The following CYB5A variants were observed in gnomAD, a reference collection of about 807,000 sequenced individuals.
CYB5A encodes cytochrome b5 type A.
CYB5A carries 10 observed loss-of-function variants against 16.2 expected under a neutral mutation model. The ratio of observed to expected loss-of-function variants is 0.62; its 90% CI spans 0.38 to 1.04. The LOEUF (loss-of-function observed/expected upper bound fraction) is 1.04. Ranked by LOEUF, CYB5A falls within the 50% of genes least tolerant of loss-of-function variation. The probability of loss-of-function intolerance (pLI) is 0.01; values close to 1 mark genes in which losing one functional copy is unlikely to be tolerated. For synonymous variants in CYB5A, 62 were observed against 57.0 expected, an observed-to-expected ratio of 1.09 and a Z score of -0.40; for missense variants, 161 against 165.9, an observed-to-expected ratio of 0.97 and a Z score of 0.16.
intron 2 of CYB5A, among the ~76,000 whole-genome samples, chr18:74,262,004 ATCCAC>A (rs1256113156): frequency 1.3e-5 from 2 of 152,180 alleles, no homozygotes; most frequent in African/African-American, 4.8e-5. Flanking sequence ...CGGCCCCAGG[ATCCAC>A]TCCAGAAGCT....
At chr18:74,261,675 C>T (rs1373673638) in intron 2 of CYB5A, 1 of 152,630 alleles carries the variant, frequency 6.6e-6, no homozygotes, top group African/African-American at 2.4e-5. Flanking sequence ...ACAAACCTCC[C>T]AACTCAATGA....
intron 1 of CYB5A, among the ~76,000 whole-genome samples, chr18:74,270,124 G>A (rs145580671): frequency 1.4e-4 from 22 of 151,872 alleles, no homozygotes; most frequent in Non-Finnish European, 2.9e-4. Context: ...GGCCACACTC[G>A]GTCCCCATCT....
chr18:74,260,200 C>T lies in CYB5A; in HGVS notation c.288+715G>A, dbSNP rs541816180. ...ATTTACACCAAAACGAAAAATTATA[C>T]TTTCTTTTTTGTCATTTGATTTAAG... On this transcript the variant is annotated intron_variant, in intron 3 of 4. Transcript: ENST00000340533. The T allele has an allele frequency of 5.2e-5, 8 of 152,404 alleles. No homozygotes were observed. The East Asian group carries it at 1.3e-3, about 26-fold the overall frequency. The allele number at this position is 152,404 out of a possible 1,614,324, so 9.4% of individuals were successfully genotyped here. A position where few individuals can be genotyped will look rare whatever the true frequency, so the allele number is the denominator to read the frequency against.
Position 74,264,430 on chromosome 18 carries a change from C to T in CYB5A, c.130-953G>A, listed in dbSNP as rs111597083. On this transcript the variant is annotated intron_variant, in intron 1 of 4. Transcript: ENST00000340533. ...CTGCACCTGAGACTGACTTCTCTGA[C>T]ATCTTAGTCTAAGTGTGGCCTCAAG... is the stretch of plus-strand genomic sequence containing the variant. 6.4e-3 allele frequency among the ~76,000 whole-genome samples: 971 copies of T among 152,250 alleles called. 11 individuals are homozygous for T. The highest frequency in any genetic ancestry group is 0.021 in the African/African-American group (875 of 41,538).
chr18:74,281,743 C>CTGTGTGTGTGTGTGTGGGTGTGTGTGTG (rs1983111487), intron 1 of CYB5A, among the ~76,000 whole-genome samples: 1 of 138,746 alleles, frequency 7.2e-6, no homozygotes, highest in African/African-American at 2.9e-5. Flanking sequence ...TCAAGGGAGG[C>CTGTGTGTGTGTGTGTGGGTGTGTGTGTG]TGTGTGTGTG....
intron 1 of CYB5A, among the ~76,000 whole-genome samples, chr18:74,276,008 C>T (rs1042326072): frequency 5.3e-5 from 8 of 152,134 alleles, no homozygotes; most frequent in African/African-American, 9.7e-5. Flanking sequence ...TTCTCCCCCT[C>T]GACCCAACAC....
intron 2 of CYB5A, chr18:74,261,239 G>A (rs935798773): frequency 2.4e-5 from 9 of 380,380 alleles, no homozygotes; most frequent in East Asian, 5.9e-5. Flanking sequence ...ATTGCGACAC[G>A]TAATTCAGGG....
At chr18:74,271,379 G>A (rs1366756030) in intron 1 of CYB5A, among the ~76,000 whole-genome samples, 1 of 152,170 alleles carries the variant, frequency 6.6e-6, no homozygotes, top group Non-Finnish European at 1.5e-5. Flanking sequence ...GTGGATTTGA[G>A]TGACTTTCCC....
chr18:74,260,750 T>C, intron 3 of CYB5A, 165 bp downstream of exon 3: 1 of 698,238 alleles, frequency 1.4e-6, no homozygotes, highest in Non-Finnish European at 2.6e-6. Context: ...TACTGACAGG[T>C]TTCCGTAAAT....
chr18:74,272,858 G>A (rs1982722859), intron 1 of CYB5A, among the ~76,000 whole-genome samples: 2 of 152,090 alleles, frequency 1.3e-5, no homozygotes, highest in Non-Finnish European at 2.9e-5. Flanking sequence ...GGAGGCAGAG[G>A]TTGCAGTGAG....
chr18:74,291,608 C>T (rs1204305361), intron 1 of CYB5A, 139 bp downstream of exon 1: 9 of 1,315,590 alleles, frequency 6.8e-6, no homozygotes, highest in Admixed American at 2.0e-5. Context: ...CCCAGGCGTA[C>T]ACGCGCAGGT....
At chr18:74,268,179 T>C (rs966367608) in intron 1 of CYB5A, among the ~76,000 whole-genome samples, 3 of 152,152 alleles carry the variant, frequency 2.0e-5, no homozygotes, top group East Asian at 1.9e-4. Context: ...TGAATAACTA[T>C]GACCATGCCA....
At chr18:74,266,366 C>A (rs1386065092) in intron 1 of CYB5A, among the ~76,000 whole-genome samples, 1 of 152,210 alleles carries the variant, frequency 6.6e-6, no homozygotes, top group African/African-American at 2.4e-5. Context: ...AACTCAGGAG[C>A]TGCCGTAACT....
intron 2 of CYB5A, chr18:74,261,468 G>C (rs1982198212): frequency 1.1e-5 from 2 of 179,536 alleles, no homozygotes; most frequent in Admixed American, 5.4e-5. Context: ...AAGTGCCACA[G>C]TCAGGGCCTG....
At chr18:74,256,661 C>A in intron 3 of CYB5A, 1 of 631,272 alleles carries the variant, frequency 1.6e-6, no homozygotes, top group Non-Finnish European at 2.8e-6. Flanking sequence ...ATAAATAAGA[C>A]AGCTTCAGAT....
At position 74,258,152 on chromosome 18, in the gene CYB5A, G is replaced by A. The variant is rs550416788; in HGVS notation, c.289-2377C>T. On this transcript the variant is annotated intron_variant, in intron 3 of 4. Transcript: ENST00000340533. ...GGCAAGCCCAGAACCTAGAGGAGAAGCTTAAGGGACTGCAACTGACCAGCC... is the reference window on the plus strand; with the variant it reads ...GGCAAGCCCAGAACCTAGAGGAGAAACTTAAGGGACTGCAACTGACCAGCC... 3 of 152,232 alleles carry A rather than the reference G, an allele frequency of 2.0e-5. No homozygotes were observed. In the East Asian group the frequency reaches 5.8e-4, roughly 29 times the overall value. 9.4% of individuals were successfully genotyped at this position (152,232 alleles called of 1,614,324 possible).
chr18:74,284,416 T>C (rs995327729), intron 1 of CYB5A, among the ~76,000 whole-genome samples: 1 of 152,118 alleles, frequency 6.6e-6, no homozygotes, highest in African/African-American at 2.4e-5. Flanking sequence ...GATTAAAGAA[T>C]AGCATTTACT....
rs1981830908 is a variant in CYB5A, at chr18:74,253,227, G to A, written c.*357C>T. ...GGGTCTGGATGAGTAACACATTGAA[G>A]GAATCCTCTAAATAACCAGATTCTA... On this transcript the variant is annotated 3_prime_UTR_variant, in exon 5 of 5. Coordinates refer to ENST00000340533, the MANE Select transcript of CYB5A (RefSeq NM_148923.4). 3.1e-6 allele frequency: 1 copy of A among 320,802 alleles called. No individual in the cohort carries two copies. Among genetic ancestry groups the A allele is most frequent in the Admixed American group, 4.7e-5 (1 of 21,340 alleles). 19.9% of individuals were successfully genotyped at this position (320,802 alleles called of 1,614,324 possible). A position where few individuals can be genotyped will look rare whatever the true frequency, so the allele number is the denominator to read the frequency against.
rs2145043585 is a variant in CYB5A, at chr18:74,260,561, C to T, written c.288+354G>A. On this transcript the variant is annotated intron_variant, in intron 3 of 4. Coordinates refer to ENST00000340533, the MANE Select transcript of CYB5A (RefSeq NM_148923.4). ...CCCTTAAAGATTTAAGTAATAAAAC[C>T]ACTATCCATTCAGATTTTAAGTTCT... 9 of 367,784 alleles carry T rather than the reference C, an allele frequency of 2.4e-5. 1 individual carries two copies. Among genetic ancestry groups the T allele is most frequent in the South Asian group, 2.0e-4 (9 of 45,476 alleles). The allele number at this position is 367,784 out of a possible 1,614,324, so 22.8% of individuals were successfully genotyped here.
Sources: allele counts gnomAD v4.1 joint callset (sites outside exome capture counted in the v4.1 genomes callset), GRCh38; gene constraint gnomAD v4.1.1; transcripts MANE v1.5; gene names NCBI Gene and HGNC (gene_info 2026-07-23, HGNC 2026-07-21).